The following RYR3 variants were observed in gnomAD, a reference collection of about 807,000 sequenced individuals.
The protein encoded by RYR3 is brain ryanodine receptor-calcium release channel.
A neutral mutation model predicts 584.3 loss-of-function variants in RYR3; 207 were observed. That is an observed-to-expected ratio of 0.35 (90% confidence interval 0.32 to 0.40). The LOEUF (loss-of-function observed/expected upper bound fraction) is 0.40, where lower values mean the gene tolerates loss of function less well. RYR3 is among the 10% of genes least tolerant of loss of function. RYR3 has a pLI of 1.00. For missense variants in RYR3, 5,616 were observed against 6,089.2 expected (o/e 0.92, Z 2.59); for synonymous variants, 2,416 against 2,248.5 (o/e 1.07, Z -2.11).
intron 67 of RYR3, among the ~76,000 whole-genome samples, chr15:33,793,582 G>A (rs1322280461): frequency 1.3e-5 from 2 of 152,072 alleles, no homozygotes; most frequent in Non-Finnish European, 1.5e-5. Flanking sequence ...ACAAGTTCTA[G>A]TAGCTCTGTG....
At chr15:33,722,196 G>A (rs1319611054) in intron 43 of RYR3, among the ~76,000 whole-genome samples, 1 of 152,116 alleles carries the variant, frequency 6.6e-6, no homozygotes, top group African/African-American at 2.4e-5. Context: ...TTCCTTTCAA[G>A]GAAGGAAGCA....
At chr15:33,682,064 T>C (rs1248913098) in intron 38 of RYR3, among the ~76,000 whole-genome samples, 2 of 152,230 alleles carry the variant, frequency 1.3e-5, no homozygotes, top group African/African-American at 4.8e-5. Flanking sequence ...CTTTCCTTTA[T>C]GGTAGTTGGC....
At chr15:33,770,748 T>A (rs59965365) in intron 62 of RYR3, among the ~76,000 whole-genome samples, 59,441 of 151,856 alleles carry the variant, frequency 0.39, 11,809 homozygotes, top group South Asian at 0.52. Context: ...AAAAAAAAGT[T>A]AGAAAGATAG....
intron 2 of RYR3, among the ~76,000 whole-genome samples, chr15:33,499,441 A>G (rs969296480): frequency 3.7e-4 from 56 of 152,034 alleles, no homozygotes; most frequent in African/African-American, 1.4e-3. Context: ...AAAATTATTC[A>G]TTTGCTTCAC....
intron 38 of RYR3, among the ~76,000 whole-genome samples, chr15:33,693,657 C>T (rs937181998): frequency 6.6e-6 from 1 of 152,244 alleles, no homozygotes. Flanking sequence ...CAGCATCCCA[C>T]ACACATCTGG....
chr15:33,475,539 T>C (rs1481234482), intron 2 of RYR3, among the ~76,000 whole-genome samples: 1 of 152,164 alleles, frequency 6.6e-6, no homozygotes, highest in Non-Finnish European at 1.5e-5. Flanking sequence ...GAGGCAAAGC[T>C]CAGGCAGTAA....
chr15:33,542,619 C>T lies in RYR3; in HGVS notation c.647-1003C>T, dbSNP rs953894610. 9.2e-5 allele frequency among the ~76,000 whole-genome samples: 14 copies of T among 152,212 alleles called. 1 individual carries two copies. Among genetic ancestry groups the T allele is most frequent in the Admixed American group, 9.2e-4 (14 of 15,270 alleles). The stretch of plus-strand genomic sequence containing the variant: ...TAACAGACTGTCACTGTACAAAATT[C>T]ACTAATAATACCCTTTTCTCCTCTG... On this transcript the variant is annotated intron_variant, in intron 7 of 103. Transcript: ENST00000634891.
rs554181752 is a variant in RYR3 at position 33,829,622 on chromosome 15, G to A, written c.11335-1341G>A. Among the ~76,000 whole-genome samples, 84 of 152,082 alleles carry A rather than the reference G, an allele frequency of 5.5e-4. 1 individual carries two copies. Among genetic ancestry groups the A allele is most frequent in the East Asian group, 2.7e-3 (14 of 5,170 alleles). ...AAAAAAATTAGCCGGGCATGGTGGC[G>A]GGTGCCTGTAGTCCCAGCTACTCGG... On this transcript the variant is annotated intron_variant, in intron 85 of 103. Transcript: ENST00000634891.
chr15:33,384,647 A>G (rs1454907961), intron 1 of RYR3, among the ~76,000 whole-genome samples: 5 of 143,274 alleles, frequency 3.5e-5, no homozygotes, highest in Non-Finnish European at 7.5e-5. Context: ...ACATAAATTT[A>G]ATTAACCTAT....
chr15:33,812,021 C>A (rs2076580757), intron 72 of RYR3, among the ~76,000 whole-genome samples: 1 of 152,038 alleles, frequency 6.6e-6, no homozygotes, highest in East Asian at 1.9e-4. Context: ...AAAAAGAAAT[C>A]TCTAGGGCCA....
At chr15:33,330,529 C>G (rs1211370993) in intron 1 of RYR3, among the ~76,000 whole-genome samples, 1 of 152,144 alleles carries the variant, frequency 6.6e-6, no homozygotes, top group Non-Finnish European at 1.5e-5. Context: ...TCTTCCTCTC[C>G]CCCAAAGTTT....
At chr15:33,493,925 AATGATGATGATG>A (rs572261298) in intron 2 of RYR3, among the ~76,000 whole-genome samples, 8 of 149,390 alleles carry the variant, frequency 5.4e-5, no homozygotes, top group Non-Finnish European at 1.0e-4. Flanking sequence ...TCAAAATAAT[AATGATGATGATG>A]ATGATGATGA....
rs539957651 is a variant in RYR3, at chr15:33,337,108, T to C, written c.51+26012T>C. 2.6e-3 allele frequency among the ~76,000 whole-genome samples: 306 copies of C among 116,126 alleles called. 1 individual carries two copies. The highest frequency in any genetic ancestry group is 5.0e-3 in the South Asian group (19 of 3,830). The allele number at this position is 116,126 out of a possible 152,430, so 76.2% of individuals were successfully genotyped here. On this transcript the variant is annotated intron_variant, in intron 1 of 103. Coordinates refer to ENST00000634891, the MANE Select transcript of RYR3 (RefSeq NM_001036.6). Reference sequence around the variant, plus strand: ...GTTTATAAAACTCTGAGGAGACTGATAAAAAAAGAGAAGGCATGAGTAATC... The same window carrying C: ...GTTTATAAAACTCTGAGGAGACTGACAAAAAAAGAGAAGGCATGAGTAATC...
chr15:33,863,838 T>TAGAATTTTGTTAACAATAAAATG (rs1889434419), intron 102 of RYR3, among the ~76,000 whole-genome samples: 1 of 152,220 alleles, frequency 6.6e-6, no homozygotes, highest in Admixed American at 6.5e-5. Flanking sequence ...ATTGTTTTAT[T>TAGAATTTTGTTAACAATAAAATG]AGAATTTTGT....
At chr15:33,723,726 C>T (rs2068120619) in intron 44 of RYR3, among the ~76,000 whole-genome samples, 1 of 152,206 alleles carries the variant, frequency 6.6e-6, no homozygotes, top group Non-Finnish European at 1.5e-5. Context: ...ACTGAGCCCT[C>T]CTGACTCTTG....
chr15:33,843,437 T>C, intron 91 of RYR3, 51 bp from the exon 92 acceptor site: 1 of 1,310,126 alleles, frequency 7.6e-7, no homozygotes, highest in East Asian at 2.4e-5. Flanking sequence ...AGTAGGAAGT[T>C]CTCTTTTCCT....
chr15:33,335,228 T>G (rs1163300659), intron 1 of RYR3, among the ~76,000 whole-genome samples: 2 of 152,208 alleles, frequency 1.3e-5, no homozygotes, highest in Non-Finnish European at 2.9e-5. Flanking sequence ...CACATGTATG[T>G]GTATGCTCAT....
In RYR3 at chr15:33,821,617, C is replaced by A; in HGVS notation, c.10995+15C>A. 6.2e-7 allele frequency: 1 copy of A among 1,612,936 alleles called. No individual in the cohort carries two copies. The highest frequency in any genetic ancestry group is 8.5e-7 in the Non-Finnish European group (1 of 1,179,176). On this transcript the variant is annotated intron_variant, in intron 80 of 103. Coordinates refer to ENST00000634891, the MANE Select transcript of RYR3 (RefSeq NM_001036.6). ...GTGTGCAACAGGTAACGGGAACTTGCAGCGGCTGGGCAGGCTCCCGGGGTA... is the reference window on the plus strand; with the variant it reads ...GTGTGCAACAGGTAACGGGAACTTGAAGCGGCTGGGCAGGCTCCCGGGGTA...
At chr15:33,688,449 T>G (rs2065171892) in intron 38 of RYR3, among the ~76,000 whole-genome samples, 1 of 151,936 alleles carries the variant, frequency 6.6e-6, no homozygotes, top group Non-Finnish European at 1.5e-5. Context: ...GGCGGGCACC[T>G]GTAGTCCCAG....
Sources: allele counts gnomAD v4.1 joint callset (sites outside exome capture counted in the v4.1 genomes callset), GRCh38; gene constraint gnomAD v4.1.1; transcripts MANE v1.5; gene names NCBI Gene and HGNC (gene_info 2026-07-23, HGNC 2026-07-21).